Variants in SPEG observed in about 807,000 individuals in gnomAD.
SPEG encodes the protein striated muscle preferentially expressed protein kinase.
In SPEG, 114 loss-of-function variants were observed where a neutral mutation model predicts 300.4. That is an observed-to-expected ratio of 0.38 (90% CI 0.33 to 0.44). The LOEUF (loss-of-function observed/expected upper bound fraction) is 0.44. Ranked by LOEUF, SPEG falls within the 20% of genes least tolerant of loss-of-function variation. SPEG has a pLI of 1.00. For missense variants in SPEG, 4,201 were observed against 4,586.2 expected (o/e 0.92, Z 2.43); for synonymous variants, 1,964 against 2,018.9 (o/e 0.97, Z 0.73).
intron 30 of SPEG, 137 bp downstream of exon 30, chr2:219,485,209 G>T: frequency 6.7e-7 from 1 of 1,484,082 alleles, no homozygotes; most frequent in Non-Finnish European, 9.1e-7. Flanking sequence ...AGCAGGGCTG[G>T]AGGGGAGGAA....
intron 39 of SPEG, 84 bp downstream of exon 39, chr2:219,491,953 G>A (rs976309361): frequency 4.9e-5 from 67 of 1,368,958 alleles, no homozygotes; most frequent in Non-Finnish European, 5.8e-5. Flanking sequence ...CCTCTCCCCC[G>A]TGCCCCACCT....
Position 219,480,253 on chromosome 2 carries a change from G to T in SPEG, c.5342+113G>T. The T allele has an allele frequency of 8.5e-7, 1 of 1,179,796 alleles. No individual in the cohort carries two copies. Among genetic ancestry groups the T allele is most frequent in the South Asian group, 1.4e-5 (1 of 70,162 alleles). The allele number at this position is 1,179,796 out of a possible 1,614,324, so 73.1% of individuals were successfully genotyped here. On this transcript the variant is annotated intron_variant, in intron 25 of 40. Transcript: ENST00000312358. This position sits in a 1 kb window ranked among gnomAD's most constrained non-coding sequence, Gnocchi z 5.3. ...GAGCCTGAATTCCTCCTGAAGGTGG[G>T]CTGGAGGCATTGTTTGCAGGGTCTC...
At position 219,443,429 on chromosome 2, in the gene SPEG, C is replaced by A; in HGVS notation, c.389-1224C>A. On this transcript the variant is annotated intron_variant, in intron 1 of 40. Transcript: ENST00000312358. This position sits in a 1 kb window ranked among gnomAD's most constrained non-coding sequence, Gnocchi z 4.6. ...TAATGGGAAGGAGTTCATTGCCATG[C>A]TTTGGCAACCAGTACGTGGCTCCTG... 1 of 503,442 alleles carries A rather than the reference C, an allele frequency of 2.0e-6. No homozygotes were observed. Among genetic ancestry groups the A allele is most frequent in the Non-Finnish European group, 3.6e-6 (1 of 280,008 alleles). 31.2% of individuals were successfully genotyped at this position (503,442 alleles called of 1,614,324 possible). A position where few individuals can be genotyped will look rare whatever the true frequency, so the allele number is the denominator to read the frequency against.
chr2:219,470,671 C>T (rs539982146), intron 13 of SPEG, among the ~76,000 whole-genome samples: 5 of 152,328 alleles, frequency 3.3e-5, no homozygotes, highest in African/African-American at 1.2e-4. Context: ...ACAGTGCAGG[C>T]CTCCTCTCTG....
At chr2:219,449,422 G>GAC (rs1275470609) in intron 4 of SPEG, 151 bp downstream of exon 4, 2 of 549,640 alleles carry the variant, frequency 3.6e-6, no homozygotes, top group Non-Finnish European at 2.9e-6. Flanking sequence ...AGAAGGCACA[G>GAC]ACACAGGCTC....
intron 3 of SPEG, among the ~76,000 whole-genome samples, chr2:219,446,142 T>G (rs1689272442): frequency 6.7e-6 from 1 of 149,540 alleles, no homozygotes; most frequent in South Asian, 2.2e-4. Flanking sequence ...GGGCTAGCGG[T>G]GGGCAGGGGA....
Position 219,479,777 on chromosome 2 carries a change from C to T in SPEG, c.5086-6C>T. ...CCCTCAGACTCTGGGCCCACTATTT[C>T]CACAGATCCGGGCCTATATGCGGCA... is the stretch of plus-strand genomic sequence containing the variant. On this transcript the variant is annotated splice_region_variant and splice_polypyrimidine_tract_variant and intron_variant, in intron 23 of 40. Coordinates refer to ENST00000312358, the MANE Select transcript of SPEG (RefSeq NM_005876.5). The surrounding 1 kb of genome is among the most constrained non-coding windows in gnomAD (Gnocchi z 5.5). 1 of 1,613,692 alleles carries T rather than the reference C, an allele frequency of 6.2e-7. No individual in the cohort carries two copies. Among genetic ancestry groups the T allele is most frequent in the Non-Finnish European group, 8.5e-7 (1 of 1,179,810 alleles).
In SPEG at chr2:219,444,121, T is replaced by C. The variant is rs1689111758; in HGVS notation, c.389-532T>C. The C allele has an allele frequency of 1.6e-6, 2 of 1,213,116 alleles. No homozygotes were observed. The highest frequency in any genetic ancestry group is 2.2e-6 in the Non-Finnish European group (2 of 898,536). 75.1% of individuals were successfully genotyped at this position (1,213,116 alleles called of 1,614,324 possible). A position where few individuals can be genotyped will look rare whatever the true frequency, so the allele number is the denominator to read the frequency against. ...CCCCCTTTCCCACCCGGCCCCGGCC[T>C]CTCCTCACCCTGCCTCAGCTGCACC... is the stretch of plus-strand genomic sequence containing the variant. On this transcript the variant is annotated intron_variant, in intron 1 of 40. Coordinates refer to ENST00000312358, the MANE Select transcript of SPEG (RefSeq NM_005876.5). The surrounding 1 kb of genome is among the most constrained non-coding windows in gnomAD (Gnocchi z 7.8).
Position 219,448,815 on chromosome 2 carries a change from G to A in SPEG, c.1657G>A (p.Ala553Thr), listed in dbSNP as rs1313788403. 7.1e-7 allele frequency: 1 copy of A among 1,399,650 alleles called. No individual in the cohort carries two copies. The highest frequency in any genetic ancestry group is 1.6e-5 in the South Asian group (1 of 63,626). 86.7% of individuals were successfully genotyped at this position (1,399,650 alleles called of 1,614,324 possible). A position where few individuals can be genotyped will look rare whatever the true frequency, so the allele number is the denominator to read the frequency against. ...KTSRAVSPAA[A>T]QPPSPSSAEK... The stretch of plus-strand genomic sequence containing the variant: ...ATCGCGGGCCGTGAGCCCCGCCGCC[G>A]CCCAGCCGCCCTCTCCGAGCAGCGC... The change falls in exon 4 of 41, where the codon GCC becomes ACC. Residue 553 changes from alanine to threonine, a missense_variant. This residue lies in a region of SPEG where 1,258 missense variants were observed against 1,293.9 expected (regional missense o/e 0.97). Transcript: ENST00000312358.
In SPEG at chr2:219,449,219, G is replaced by T; in HGVS notation, c.2061G>T (p.Gly687=). The change falls in exon 4 of 41, where the codon GGG becomes GGT. Residue 687 remains glycine, a synonymous_variant. Transcript: ENST00000312358. ...CCTGGGGGCCCTGGGACCGCCGAGG[G>T]GCCCGCAGCCAGGGCAAAGGTCGCC... is the stretch of plus-strand genomic sequence containing the variant. ...DGPWGPWDRR[G]ARSQGKGRRA... is the part of the protein sequence containing the mutation. The T allele has an allele frequency of 7.2e-7, 1 of 1,393,684 alleles. No homozygotes were observed. The highest frequency in any genetic ancestry group is 3.1e-5 in the East Asian group (1 of 32,608). The allele number at this position is 1,393,684 out of a possible 1,614,324, so 86.3% of individuals were successfully genotyped here. A position where few individuals can be genotyped will look rare whatever the true frequency, so the allele number is the denominator to read the frequency against.
chr2:219,436,176 G>T (rs375551299), intron 1 of SPEG, among the ~76,000 whole-genome samples: 2 of 152,204 alleles, frequency 1.3e-5, no homozygotes, highest in Non-Finnish European at 2.9e-5. Flanking sequence ...CTTGTCCCCC[G>T]CCCATAGATT....
chr2:219,450,970 C>A (rs1263855923), intron 4 of SPEG, 166 bp from the exon 5 acceptor site: 9 of 679,910 alleles, frequency 1.3e-5, no homozygotes, highest in Admixed American at 2.8e-5. Flanking sequence ...CCTTTTTTCC[C>A]TAAGGACATT....
rs1481758288 is a variant in SPEG at position 219,483,313 on chromosome 2, C to T, written c.5850C>T (p.Leu1950=). The change falls in exon 30 of 41, where the codon CTC becomes CTT. Residue 1950 remains leucine (L), a synonymous_variant. Coordinates refer to ENST00000312358, the MANE Select transcript of SPEG (RefSeq NM_005876.5). ...AGTTCTCTGGCTCCCGGGTGTCCCT[C>T]ACAGACATTCCCACTGAGGATGAGG... ...QPEFSGSRVS[L]TDIPTEDEAL... 1.9e-6 allele frequency: 3 copies of T among 1,606,408 alleles called. No individual in the cohort carries two copies. The highest frequency in any genetic ancestry group is 1.3e-5 in the African/African-American group (1 of 74,808).
chr2:219,486,550 G>A (rs1040554794), intron 31 of SPEG, among the ~76,000 whole-genome samples: 4 of 152,140 alleles, frequency 2.6e-5, no homozygotes, highest in Admixed American at 6.5e-5. Context: ...GAAAGAAAGC[G>A]ATCAGCCAGC....
rs1694005308 is a variant in SPEG, at chr2:219,491,889, C to T, written c.9461+20C>T. 1 of 1,574,040 alleles carries T rather than the reference C, an allele frequency of 6.4e-7. No homozygotes were observed. Among genetic ancestry groups the T allele is most frequent in the Non-Finnish European group, 8.6e-7 (1 of 1,156,370 alleles). On this transcript the variant is annotated intron_variant, in intron 39 of 40. Coordinates refer to ENST00000312358, the MANE Select transcript of SPEG (RefSeq NM_005876.5). ...CATTATGTGAGTGTCCCCTACCCCA[C>T]CGCAGCCCTCTCTGCCCATACAGTG...
At position 219,449,255 on chromosome 2, in the gene SPEG, C is replaced by T. The variant is rs1212904749; in HGVS notation, c.2097C>T (p.Pro699=). ...AGGGCAAAGGTCGCCGGGCCCGGCCCACCTCCCCTGAGCTCGGTAAGGCCT... is the reference window on the plus strand; with the variant it reads ...AGGGCAAAGGTCGCCGGGCCCGGCCTACCTCCCCTGAGCTCGGTAAGGCCT... ...RSQGKGRRAR[P]TSPELESSDD... Residue 699 remains proline, a synonymous_variant, in exon 4 of 41, where the codon CCC becomes CCT. Transcript: ENST00000312358. 1 of 1,390,864 alleles carries T rather than the reference C, an allele frequency of 7.2e-7. No homozygotes were observed. Among genetic ancestry groups the T allele is most frequent in the Non-Finnish European group, 9.3e-7 (1 of 1,073,752 alleles). The allele number at this position is 1,390,864 out of a possible 1,614,324, so 86.2% of individuals were successfully genotyped here.
rs1203404440 is a variant in SPEG, at chr2:219,468,850, T to G, written c.3302-9T>G. On this transcript the variant is annotated splice_polypyrimidine_tract_variant and intron_variant, in intron 11 of 40. Coordinates refer to ENST00000312358, the MANE Select transcript of SPEG (RefSeq NM_005876.5). ...GCCTGCTCTGCATTCCCACCCCTCC[T>G]TTCTGCAGGCTGCCCCATGGAGGAG... The G allele has an allele frequency of 6.2e-7, 1 of 1,610,286 alleles. No homozygotes were observed. The highest frequency in any genetic ancestry group is 1.1e-5 in the South Asian group (1 of 90,704).
chr2:219,467,411 C>T lies in SPEG; in HGVS notation c.3119C>T (p.Thr1040Ile), dbSNP rs775444872. Residue 1040 changes from threonine (T) to isoleucine (I), a missense_variant, in exon 10 of 41, where the codon ACC becomes ATC. Around this residue, in one of 4 missense-constraint regions of SPEG, gnomAD observed 1,047 missense variants for 1,356.8 expected, o/e 0.77. Coordinates refer to ENST00000312358, the MANE Select transcript of SPEG (RefSeq NM_005876.5). ...CATGAGGACGACAGTGGCGTCTACA[C>T]CTGCAAGCTCAGCACGGCCAAAGGT... ...SVHEDDSGVY[T>I]CKLSTAKDEL... The T allele has an allele frequency of 8.1e-6, 13 of 1,608,502 alleles. No homozygotes were observed. The East Asian group carries it at 2.2e-4, about 28-fold the overall frequency.
At chr2:219,472,042 C>G (rs530210298) in intron 14 of SPEG, 55 bp downstream of exon 14, 1 of 1,597,636 alleles carries the variant, frequency 6.3e-7, no homozygotes, top group Non-Finnish European at 8.5e-7. Flanking sequence ...TCTGGCACTA[C>G]GTGGGGGCTC....
Sources: allele counts gnomAD v4.1 joint callset (sites outside exome capture counted in the v4.1 genomes callset), GRCh38; gene constraint gnomAD v4.1.1; regional missense constraint gnomAD v4.1.1; non-coding constraint Gnocchi (gnomAD v3.1); transcripts MANE v1.5; gene names NCBI Gene and HGNC (gene_info 2026-07-23, HGNC 2026-07-21).